GSE1: variants seen among roughly 807,000 people sequenced by gnomAD.
GSE1 encodes genetic suppressor element 1.
GSE1 carries 32 observed loss-of-function variants against 112.6 expected under a neutral mutation model. That is an observed-to-expected ratio of 0.28 (90% CI 0.21 to 0.38). GSE1 has a LOEUF of 0.38. Among genes scored for constraint, GSE1 ranks in the 10% least tolerant of loss-of-function variants. The pLI, the probability that GSE1 is intolerant of heterozygous loss-of-function variation, is 1.00. For synonymous variants in GSE1, 1,115 were observed against 735.6 expected, an observed-to-expected ratio of 1.52 and a Z score of -8.35; for missense variants, 2,348 against 1,699.2, an observed-to-expected ratio of 1.38 and a Z score of -6.71.
In GSE1 at chr16:85,331,661, A is replaced by G. The variant is rs1402939139; in HGVS notation, c.2284-25802A>G. Among the ~76,000 whole-genome samples, 21 of 85,364 alleles carry G rather than the reference A, an allele frequency of 2.5e-4. 1 individual carries two copies. The highest frequency in any genetic ancestry group is 1.1e-3 in the South Asian group (3 of 2,668). 56.0% of individuals were successfully genotyped at this position (85,364 alleles called of 152,430 possible). A position where few individuals can be genotyped will look rare whatever the true frequency, so the allele number is the denominator to read the frequency against. On this transcript the variant is annotated intron_variant, in intron 1 of 2. Coordinates refer to the GSE1 transcript ENST00000637419. Reference sequence around the variant, plus strand: ...TATGTGTGTATATATATATGTGTATATGTGTGTGTGTGTGTGTGTGTGTGT... The same window carrying G: ...TATGTGTGTATATATATATGTGTATGTGTGTGTGTGTGTGTGTGTGTGTGT...
chr16:85,201,809 G>T (rs1013990327), intron 1 of GSE1, among the ~76,000 whole-genome samples: 1 of 152,198 alleles, frequency 6.6e-6, no homozygotes, highest in East Asian at 1.9e-4. Flanking sequence ...CCTTTTGTCT[G>T]TCAGCATGCA....
chr16:85,414,801 A>T (rs942824533), intron 2 of GSE1, among the ~76,000 whole-genome samples: 3 of 151,342 alleles, frequency 2.0e-5, no homozygotes, highest in Admixed American at 6.6e-5. Context: ...TGCCTGACTA[A>T]TTTTTTGTAT....
chr16:85,607,644 C>T (rs2047768629), upstream of GSE1, among the ~76,000 whole-genome samples: 1 of 152,140 alleles, frequency 6.6e-6, no homozygotes, highest in Non-Finnish European at 1.5e-5. Context: ...GCCACCTGAG[C>T]TGCTGGGGTG....
At chr16:85,275,957 G>C (rs1010882091) in intron 1 of GSE1, among the ~76,000 whole-genome samples, 1 of 152,258 alleles carries the variant, frequency 6.6e-6, no homozygotes, top group Non-Finnish European at 1.5e-5. Context: ...AAAGTCAGAG[G>C]GGGTGCTTTC....
At chr16:85,469,544 C>G (rs1022623982) in intron 2 of GSE1, among the ~76,000 whole-genome samples, 2 of 152,178 alleles carry the variant, frequency 1.3e-5, no homozygotes, top group Non-Finnish European at 2.9e-5. Context: ...TAAGGCAATA[C>G]TAGGACACGG....
intron 1 of GSE1, among the ~76,000 whole-genome samples, chr16:85,356,994 A>G (rs573469458): frequency 6.6e-6 from 1 of 152,216 alleles, no homozygotes; most frequent in Non-Finnish European, 1.5e-5. Flanking sequence ...TGGTTTGCCC[A>G]GCTCTCTGAG....
intron 1 of GSE1, among the ~76,000 whole-genome samples, chr16:85,279,773 A>C (rs1044784165): frequency 3.3e-5 from 5 of 152,092 alleles, no homozygotes; most frequent in Admixed American, 3.3e-4. Context: ...CTCAACTCCA[A>C]CTTCTCTGTC....
chr16:85,517,306 A>G (rs2051982833), intron 2 of GSE1, among the ~76,000 whole-genome samples: 1 of 152,078 alleles, frequency 6.6e-6, no homozygotes, highest in African/African-American at 2.4e-5. Flanking sequence ...TAGCACAGCC[A>G]TGTGTCCTTG....
At chr16:85,360,023 G>T (rs954968584) in intron 2 of GSE1, among the ~76,000 whole-genome samples, 1 of 152,142 alleles carries the variant, frequency 6.6e-6, no homozygotes, top group Non-Finnish European at 1.5e-5. Context: ...GACTGAGCAA[G>T]ACTCTGTCTC....
chr16:85,645,463 G>A (rs377711425), intron 2 of GSE1, among the ~76,000 whole-genome samples: 1 of 152,164 alleles, frequency 6.6e-6, no homozygotes, highest in Non-Finnish European at 1.5e-5. Context: ...CCCAGATACC[G>A]TTCTGCAGGA....
chr16:85,634,754 T>A (rs778092121), intron 2 of GSE1, among the ~76,000 whole-genome samples: 1 of 152,086 alleles, frequency 6.6e-6, no homozygotes, highest in Non-Finnish European at 1.5e-5. Flanking sequence ...TGAGCCTCAT[T>A]TTTCCTGTCT....
intron 1 of GSE1, among the ~76,000 whole-genome samples, chr16:85,330,905 CTCTTG>C (rs1163755280): frequency 2.6e-5 from 4 of 152,132 alleles, no homozygotes; most frequent in Non-Finnish European, 5.9e-5. Flanking sequence ...GTGGGAATCA[CTCTTG>C]TCTTGCTGCT....
At chr16:85,252,170 C>G (rs1239034623) in intron 1 of GSE1, among the ~76,000 whole-genome samples, 1 of 146,856 alleles carries the variant, frequency 6.8e-6, no homozygotes, top group African/African-American at 2.7e-5. Context: ...AGTAAACATC[C>G]GCTGCCTGGG....
intron 1 of GSE1, among the ~76,000 whole-genome samples, chr16:85,353,695 C>T (rs1421980328): frequency 6.6e-6 from 1 of 152,202 alleles, no homozygotes; most frequent in Admixed American, 6.5e-5. Flanking sequence ...AAAAGAGGTT[C>T]CCAGATTCTT....
At chr16:85,354,537 C>A (rs1325862734) in intron 1 of GSE1, among the ~76,000 whole-genome samples, 1 of 152,340 alleles carries the variant, frequency 6.6e-6, no homozygotes, top group Non-Finnish European at 1.5e-5. Context: ...CTTCCGGGAG[C>A]CATCTCCACC....
intron 1 of GSE1, among the ~76,000 whole-genome samples, chr16:85,294,933 CAG>C (rs1367566591): frequency 3.3e-5 from 5 of 151,160 alleles, no homozygotes; most frequent in Non-Finnish European, 7.4e-5. Flanking sequence ...TACATTTTTG[CAG>C]AGACGGGGTC....
At chr16:85,670,271 T>G (rs1475887584) in intron 14 of GSE1, among the ~76,000 whole-genome samples, 1 of 152,220 alleles carries the variant, frequency 6.6e-6, no homozygotes, top group Non-Finnish European at 1.5e-5. Flanking sequence ...GATTGTCTTG[T>G]CACTCCAGTG....
At chr16:85,340,794 T>C (rs62048475) in intron 1 of GSE1, among the ~76,000 whole-genome samples, 13,505 of 152,142 alleles carry the variant, frequency 0.089, 900 homozygotes, top group East Asian at 0.3. Flanking sequence ...CATGTCAGGC[T>C]GACAGGCTCT....
intron 2 of GSE1, among the ~76,000 whole-genome samples, chr16:85,648,224 G>A (rs898866998): frequency 6.6e-6 from 1 of 152,128 alleles, no homozygotes; most frequent in Non-Finnish European, 1.5e-5. Flanking sequence ...TCAGGCACTG[G>A]TCCTGCCCGC....
Sources: gnomAD v4.1 joint callset for allele counts (sites outside exome capture counted in the v4.1 genomes callset) on GRCh38, gnomAD v4.1.1 for gene constraint, MANE v1.5 for transcripts, NCBI Gene and HGNC (gene_info 2026-07-23, HGNC 2026-07-21) for gene names.